PPP3CB: variants seen among roughly 807,000 people sequenced by gnomAD.
PPP3CB encodes serine/threonine-protein phosphatase 2B catalytic subunit beta isoform.
PPP3CB carries 8 observed loss-of-function variants against 66.4 expected under a neutral mutation model. That is an observed-to-expected ratio of 0.12 (90% CI 0.07 to 0.22). The LOEUF (loss-of-function observed/expected upper bound fraction) is 0.22. Among genes scored for constraint, PPP3CB ranks in the 10% least tolerant of loss-of-function variants. The pLI, the probability that PPP3CB is intolerant of heterozygous loss-of-function variation, is 1.00. For missense variants in PPP3CB, 319 were observed against 642.5 expected (o/e 0.50, Z 5.44); for synonymous variants, 208 against 221.2 (o/e 0.94, Z 0.53).
At chr10:73,440,262 C>G (rs2056123411) in intron 12 of PPP3CB, among the ~76,000 whole-genome samples, 1 of 152,174 alleles carries the variant, frequency 6.6e-6, no homozygotes, top group Admixed American at 6.5e-5. Flanking sequence ...TCACATCCAT[C>G]ACAATCACAG....
At chr10:73,494,764 G>A (rs1221298927) in intron 1 of PPP3CB, among the ~76,000 whole-genome samples, 15 of 151,960 alleles carry the variant, frequency 9.9e-5, no homozygotes, top group Admixed American at 9.2e-4. Flanking sequence ...GTGTATTTGA[G>A]AAGCTGAATG....
intron 10 of PPP3CB, among the ~76,000 whole-genome samples, chr10:73,452,953 T>TA (rs1314293010): frequency 6.6e-6 from 1 of 152,180 alleles, no homozygotes; most frequent in Admixed American, 6.5e-5. Context: ...AATTTCTAAA[T>TA]AGGCTTCATT....
At chr10:73,452,986 C>T (rs2056370829) in intron 10 of PPP3CB, among the ~76,000 whole-genome samples, 1 of 152,114 alleles carries the variant, frequency 6.6e-6, no homozygotes, top group South Asian at 2.1e-4. Flanking sequence ...GAAAAGTGAT[C>T]AAATGAAATG....
Position 73,457,260 on chromosome 10 carries a change from G to GAAAAAAAAAAA in PPP3CB, c.1109-2782_1109-2772dup, listed in dbSNP as rs35129439. Among the ~76,000 whole-genome samples the GAAAAAAAAAAA allele has an allele frequency of 2.5e-4, 17 of 69,018 alleles. 1 individual carries two copies. The highest frequency in any genetic ancestry group is 3.2e-4 in the Non-Finnish European group (11 of 34,312). The allele number at this position is 69,018 out of a possible 152,430, so 45.3% of individuals were successfully genotyped here. A position where few individuals can be genotyped will look rare whatever the true frequency, so the allele number is the denominator to read the frequency against. On this transcript the variant is annotated intron_variant, in intron 9 of 13. Transcript: ENST00000360663. Reference sequence around the variant, plus strand: ...ACACAAAGATCCCATCTCTAAAAAAGAAAAAAAAAAAAAAAAAAAAAAAAA... The same window carrying GAAAAAAAAAAA: ...ACACAAAGATCCCATCTCTAAAAAAGAAAAAAAAAAAAAAAAAAAAAAAAAAAAAAAAAAAA...
At chr10:73,449,173 C>T (rs942169587) in intron 10 of PPP3CB, among the ~76,000 whole-genome samples, 13 of 152,156 alleles carry the variant, frequency 8.5e-5, no homozygotes, top group Non-Finnish European at 1.9e-4. Context: ...ATCTGTAGTA[C>T]ATTCAGAGAA....
rs2056532296 is a variant in PPP3CB, at chr10:73,462,140, C to CCT, written c.1108+5412_1108+5413insAG. On this transcript the variant is annotated intron_variant, in intron 9 of 13. Coordinates refer to ENST00000360663, the MANE Select transcript of PPP3CB (RefSeq NM_021132.4). ...GAACCACGAGCCAATTAAACTCCTT[C>CCT]TTTTTTTTTTTTTTTTTTTTTTTTT... 3.2e-5 allele frequency among the ~76,000 whole-genome samples: 3 copies of CCT among 94,216 alleles called. No individual in the cohort carries two copies. The Admixed American group carries it at 3.9e-4, about 12-fold the overall frequency. 61.8% of individuals were successfully genotyped at this position (94,216 alleles called of 152,430 possible).
intron 4 of PPP3CB, among the ~76,000 whole-genome samples, chr10:73,473,852 A>T (rs1048507672): frequency 2.6e-5 from 4 of 152,050 alleles, no homozygotes; most frequent in African/African-American, 9.7e-5. Context: ...AATGATATTT[A>T]AAAAAACAAA....
intron 9 of PPP3CB, among the ~76,000 whole-genome samples, chr10:73,459,443 G>A (rs1027179214): frequency 3.7e-4 from 56 of 152,366 alleles, no homozygotes; most frequent in African/African-American, 1.3e-3. Context: ...CCAAGATCGC[G>A]CCACTGCGCT....
intron 1 of PPP3CB, among the ~76,000 whole-genome samples, chr10:73,485,953 T>TGTGTGTGTGTGTGTGTG (rs577772189): frequency 7.1e-6 from 1 of 140,488 alleles, no homozygotes; most frequent in Admixed American, 7.0e-5. Flanking sequence ...TGTGTGTGTA[T>TGTGTGTGTGTGTGTGTG]TTTTTTTTTT....
chr10:73,451,735 C>T (rs1258488604), intron 10 of PPP3CB, among the ~76,000 whole-genome samples: 1 of 149,002 alleles, frequency 6.7e-6, no homozygotes. Flanking sequence ...GGAAACCTCA[C>T]TCATCTCTTT....
chr10:73,483,072 T>C (rs1448336362), intron 1 of PPP3CB, among the ~76,000 whole-genome samples: 1 of 152,232 alleles, frequency 6.6e-6, no homozygotes, highest in Non-Finnish European at 1.5e-5. Flanking sequence ...TCACGCACAC[T>C]GTGAATGCTC....
chr10:73,495,560 C>T (rs1210932902), intron 1 of PPP3CB: 7 of 373,678 alleles, frequency 1.9e-5, no homozygotes, highest in African/African-American at 4.4e-5. Flanking sequence ...AGCCTCACCC[C>T]TTGGGCTAGG....
intron 8 of PPP3CB, among the ~76,000 whole-genome samples, chr10:73,468,839 AT>A (rs370225720): frequency 3.0e-4 from 45 of 152,362 alleles, no homozygotes; most frequent in Non-Finnish European, 5.7e-4. Flanking sequence ...AAAAAAGAGT[AT>A]TTTAAATTAG....
At chr10:73,491,690 A>C (rs1199106103) in intron 1 of PPP3CB, among the ~76,000 whole-genome samples, 1 of 152,124 alleles carries the variant, frequency 6.6e-6, no homozygotes, top group African/African-American at 2.4e-5. Flanking sequence ...TAATCTGGCT[A>C]GGCACGGTGG....
At chr10:73,480,331 C>T (rs1564566465) in intron 1 of PPP3CB, among the ~76,000 whole-genome samples, 1 of 152,104 alleles carries the variant, frequency 6.6e-6, no homozygotes, top group East Asian at 1.9e-4. Flanking sequence ...TTCTGAGTCA[C>T]CTAACACACA....
At chr10:73,440,839 G>A (rs2056133407) in intron 12 of PPP3CB, among the ~76,000 whole-genome samples, 1 of 152,186 alleles carries the variant, frequency 6.6e-6, no homozygotes, top group African/African-American at 2.4e-5. Flanking sequence ...TATTGGTATA[G>A]TGTGTCACTG....
chr10:73,443,357 GA>G (rs148308010), intron 12 of PPP3CB, among the ~76,000 whole-genome samples: 13,399 of 146,084 alleles, frequency 0.092, 657 homozygotes, highest in Middle Eastern at 0.15. Flanking sequence ...AGAGAGAAAA[GA>G]AAAAAAAAGA....
At chr10:73,471,251 AAAGT>A (rs1417959414) in intron 5 of PPP3CB, 42 bp from the exon 6 acceptor site, 1 of 1,546,038 alleles carries the variant, frequency 6.5e-7, no homozygotes, top group Non-Finnish European at 8.8e-7. Context: ...AACTCATCAA[AAAGT>A]AAGGATAAAA....
intron 1 of PPP3CB, among the ~76,000 whole-genome samples, chr10:73,484,657 A>G (rs562161400): frequency 2.0e-5 from 3 of 151,590 alleles, no homozygotes; most frequent in South Asian, 4.2e-4. Flanking sequence ...TTACTTTTCT[A>G]TATTTGCGAC....
Sources: allele counts gnomAD v4.1 joint callset (sites outside exome capture counted in the v4.1 genomes callset), GRCh38; gene constraint gnomAD v4.1.1; transcripts MANE v1.5; gene names NCBI Gene and HGNC (gene_info 2026-07-23, HGNC 2026-07-21).